VAT1L: variants seen among roughly 807,000 people sequenced by gnomAD.
VAT1L encodes putative NADPH-dependent quinone oxidoreductase VAT1L.
Under a neutral mutation model 44.1 loss-of-function variants are expected in VAT1L, and 34 were observed. That is an observed-to-expected ratio of 0.77 (90% CI 0.59 to 1.03). The LOEUF (loss-of-function observed/expected upper bound fraction) is 1.03, where lower values mean the gene tolerates loss of function less well. Among genes scored for constraint, VAT1L ranks in the 50% least tolerant of loss-of-function variants. The probability of loss-of-function intolerance (pLI) is 0.00; values close to 1 mark genes in which losing one functional copy is unlikely to be tolerated. For synonymous variants in VAT1L, 253 were observed against 202.2 expected (o/e 1.25, Z -2.13); for missense variants, 615 against 538.8 (o/e 1.14, Z -1.40).
At chr16:77,848,485 G>A (rs967667797) in intron 3 of VAT1L, among the ~76,000 whole-genome samples, 4 of 152,142 alleles carry the variant, frequency 2.6e-5, no homozygotes, top group African/African-American at 4.8e-5. Context: ...TGGAGAGACA[G>A]GTAAGGAGTT....
chr16:77,826,743 T>TAC, intron 3 of VAT1L, among the ~76,000 whole-genome samples: 1 of 152,354 alleles, frequency 6.6e-6, no homozygotes, highest in East Asian at 1.9e-4. Context: ...AGGTACTACC[T>TAC]ACTAGTTCAA....
intron 7 of VAT1L, among the ~76,000 whole-genome samples, chr16:77,955,296 C>G (rs1056459321): frequency 6.6e-6 from 1 of 152,136 alleles, no homozygotes; most frequent in South Asian, 2.1e-4. Context: ...TTTGTCACAA[C>G]GGGGTAGCGC....
intron 1 of VAT1L, among the ~76,000 whole-genome samples, chr16:77,790,908 A>C (rs1245769585): frequency 6.6e-6 from 1 of 152,220 alleles, no homozygotes; most frequent in African/African-American, 2.4e-5. Context: ...TGATTTTCAA[A>C]GCCAGATGTG....
At chr16:77,847,824 T>C (rs971208949) in intron 3 of VAT1L, among the ~76,000 whole-genome samples, 1 of 152,232 alleles carries the variant, frequency 6.6e-6, no homozygotes, top group Non-Finnish European at 1.5e-5. Flanking sequence ...TTTAGTGTTA[T>C]TTGAATTTTT....
At chr16:77,893,652 A>C (rs1597086617) in intron 7 of VAT1L, among the ~76,000 whole-genome samples, 1 of 152,208 alleles carries the variant, frequency 6.6e-6, no homozygotes, top group African/African-American at 2.4e-5. Context: ...GCATTGTTCT[A>C]AGTGCTTTAT....
intron 7 of VAT1L, among the ~76,000 whole-genome samples, chr16:77,895,817 AAC>A (rs1481287385): frequency 6.6e-6 from 1 of 152,236 alleles, no homozygotes; most frequent in African/African-American, 2.4e-5. Flanking sequence ...AGGCTTTGCA[AAC>A]ACAGTTGCAA....
chr16:77,947,337 T>C (rs542876839), intron 7 of VAT1L, among the ~76,000 whole-genome samples: 9 of 152,334 alleles, frequency 5.9e-5, no homozygotes, highest in South Asian at 2.1e-4. Flanking sequence ...GGGACTCTTT[T>C]CACCCTTTGG....
chr16:77,925,391 T>C (rs17704618), intron 7 of VAT1L, among the ~76,000 whole-genome samples: 15,619 of 152,218 alleles, frequency 0.1, 1,071 homozygotes, highest in Non-Finnish European at 0.15. Context: ...TTCACCTCGA[T>C]CAAGTGGCTT....
At chr16:77,896,804 T>G (rs1216367888) in intron 7 of VAT1L, among the ~76,000 whole-genome samples, 1 of 152,224 alleles carries the variant, frequency 6.6e-6, no homozygotes, top group Non-Finnish European at 1.5e-5. Context: ...TCTGAATACA[T>G]TCCTGTTACA....
intron 7 of VAT1L, among the ~76,000 whole-genome samples, chr16:77,947,383 G>A (rs777790470): frequency 6.6e-5 from 10 of 152,144 alleles, no homozygotes; most frequent in African/African-American, 1.2e-4. Context: ...TGAAGCAATC[G>A]TAAAGATCAA....
At chr16:77,813,501 C>G (rs1472500481) in intron 1 of VAT1L, among the ~76,000 whole-genome samples, 2 of 152,190 alleles carry the variant, frequency 1.3e-5, no homozygotes, top group African/African-American at 4.8e-5. Context: ...AGCTGGACCT[C>G]TCCAAGCCCA....
intron 4 of VAT1L, among the ~76,000 whole-genome samples, chr16:77,868,033 T>C (rs2016993530): frequency 1.3e-5 from 2 of 152,324 alleles, no homozygotes; most frequent in South Asian, 4.1e-4. Flanking sequence ...GCTTAAAATA[T>C]CATGAGTCAA....
intron 2 of VAT1L, among the ~76,000 whole-genome samples, chr16:77,821,859 G>A (rs1223117992): frequency 6.6e-6 from 1 of 152,152 alleles, no homozygotes; most frequent in South Asian, 2.1e-4. Flanking sequence ...GGAAAGTTTT[G>A]GAGAAAAGAA....
intron 3 of VAT1L, among the ~76,000 whole-genome samples, chr16:77,832,081 G>A (rs2016586093): frequency 1.3e-5 from 2 of 150,804 alleles, no homozygotes; most frequent in African/African-American, 4.9e-5. Flanking sequence ...ACCAACCTCG[G>A]CTTCTCAAAG....
chr16:77,959,608 T>C (rs2018140188), intron 7 of VAT1L, among the ~76,000 whole-genome samples: 1 of 152,214 alleles, frequency 6.6e-6, no homozygotes, highest in Non-Finnish European at 1.5e-5. Flanking sequence ...ATATGCTTAT[T>C]ATCATTCATA....
At chr16:77,935,630 AAGAG>A (rs754547336) in intron 7 of VAT1L, among the ~76,000 whole-genome samples, 1 of 149,204 alleles carries the variant, frequency 6.7e-6, no homozygotes, top group African/African-American at 2.5e-5. Flanking sequence ...GAGTGGGGGG[AAGAG>A]AGAGAGAGAG....
intron 2 of VAT1L, among the ~76,000 whole-genome samples, chr16:77,824,424 A>G (rs1027275046): frequency 1.5e-4 from 23 of 152,168 alleles, no homozygotes; most frequent in Non-Finnish European, 2.9e-4. Flanking sequence ...TGCACTGCAA[A>G]TGTATTTTAA....
intron 7 of VAT1L, among the ~76,000 whole-genome samples, chr16:77,947,584 C>G (rs1302558455): frequency 2.0e-5 from 3 of 152,094 alleles, no homozygotes; most frequent in African/African-American, 7.2e-5. Flanking sequence ...TGCCCAGCTC[C>G]CTCCTGCTCA....
rs928319821 is a variant in VAT1L at position 77,789,025 on chromosome 16, C to A, written c.233+110C>A. Reference sequence around the variant, plus strand: ...TGCCCGGGTAGAACCGCCGCGCGCACCCCCTCCGCGCCCTCACCCGGGTCT... The same window carrying A: ...TGCCCGGGTAGAACCGCCGCGCGCAACCCCTCCGCGCCCTCACCCGGGTCT... On this transcript the variant is annotated intron_variant, in intron 1 of 8. Coordinates refer to ENST00000302536, the MANE Select transcript of VAT1L (RefSeq NM_020927.3). 11 of 1,288,988 alleles carry A rather than the reference C, an allele frequency of 8.5e-6. 1 individual carries two copies. The highest frequency in any genetic ancestry group is 6.3e-5 in the South Asian group (4 of 63,674). The allele number at this position is 1,288,988 out of a possible 1,614,324, so 79.8% of individuals were successfully genotyped here.
Sources: gnomAD v4.1 joint callset for allele counts (sites outside exome capture counted in the v4.1 genomes callset) on GRCh38, gnomAD v4.1.1 for gene constraint, MANE v1.5 for transcripts, NCBI Gene and HGNC (gene_info 2026-07-23, HGNC 2026-07-21) for gene names.